CFAP91: variants seen among roughly 807,000 people sequenced by gnomAD.
The protein encoded by CFAP91 is cilia and flagella associated protein 91, also known as cilia- and flagella-associated protein 91.
In CFAP91, 85 loss-of-function variants were observed where a neutral mutation model predicts 95.9. The observed-to-expected ratio is 0.89, with a 90% CI of 0.74 to 1.06. CFAP91 has a LOEUF of 1.06. Ranked by LOEUF, CFAP91 falls within the 50% of genes least tolerant of loss-of-function variation. CFAP91 has a pLI of 0.00. For missense variants in CFAP91, 962 were observed against 943.4 expected, an observed-to-expected ratio of 1.02 and a Z score of -0.26; for synonymous variants, 335 against 327.5, an observed-to-expected ratio of 1.02 and a Z score of -0.25.
At chr3:119,752,607 G>A (rs951583381) in intron 17 of CFAP91, among the ~76,000 whole-genome samples, 3 of 152,016 alleles carry the variant, frequency 2.0e-5, no homozygotes, top group Admixed American at 1.3e-4. Flanking sequence ...TTAAGGTTGG[G>A]GTAGTCATTT....
At chr3:119,736,268 G>GTTTTTTTTCTTTTTTTTTTT (rs1553709194) in intron 10 of CFAP91, among the ~76,000 whole-genome samples, 1 of 85,326 alleles carries the variant, frequency 1.2e-5, no homozygotes, top group African/African-American at 4.9e-5. Flanking sequence ...TCTTTCTATT[G>GTTTTTTTTCTTTTTTTTTTT]TTTTTTTTTT....
chr3:119,744,181 C>G lies in CFAP91; in HGVS notation c.1887C>G (p.Asp629Glu). 6.2e-7 allele frequency: 1 copy of G among 1,611,774 alleles called. No individual in the cohort carries two copies. Among genetic ancestry groups the G allele is most frequent in the Non-Finnish European group, 8.5e-7 (1 of 1,178,530 alleles). Residue 629 changes from aspartate to glutamate, a missense_variant, in exon 14 of 18, where the codon GAC becomes GAG. Transcript: ENST00000273390. ...AAAAACAGCGCCTGCGGGAGGAGGA[C>G]GAGATATTTAAGGAGGCAAGTAGGG... ...QVEKQRLREE[D>E]EIFKEVVKVH... is the part of the protein sequence containing the mutation.
chr3:119,710,111 G>T, intron 5 of CFAP91: 3 of 501,430 alleles, frequency 6.0e-6, no homozygotes, highest in Admixed American at 3.7e-5. Flanking sequence ...AGGGTAAGTT[G>T]GTTTTTGTTT....
At chr3:119,741,099 G>A (rs1577232254) in intron 13 of CFAP91, among the ~76,000 whole-genome samples, 1 of 152,290 alleles carries the variant, frequency 6.6e-6, no homozygotes, top group East Asian at 1.9e-4. Flanking sequence ...TGATCCGCCT[G>A]CCTCAGCTTC....
At chr3:119,739,516 G>A in intron 12 of CFAP91, 190 bp downstream of exon 12, 2 of 549,494 alleles carry the variant, frequency 3.6e-6, no homozygotes, top group Non-Finnish European at 6.6e-6. Context: ...GTCCAGGTGG[G>A]TGGCACAGTG....
rs534900373 is a variant in CFAP91, at chr3:119,714,281, G to A, written c.501-1281G>A. On this transcript the variant is annotated intron_variant, in intron 5 of 17. Transcript: ENST00000273390. ...CTCGGAAGGCTGAGGCAGGAGAATG[G>A]CCTGAACCCAGGAGGCGGAGCTTGC... Among the ~76,000 whole-genome samples, 7 of 150,932 alleles carry A rather than the reference G, an allele frequency of 4.6e-5. No homozygotes were observed. In the East Asian group the frequency reaches 1.4e-3, roughly 30 times the overall value.
In CFAP91 at chr3:119,715,927, T is replaced by C. The variant is rs994688968; in HGVS notation, c.682+184T>C. On this transcript the variant is annotated intron_variant, in intron 6 of 17. Transcript: ENST00000273390. ...TGGTCAAATAAAGATACTATCTTTT[T>C]ATTGTGAGTAGTTTTATCGTACTCT... 3.1e-5 allele frequency: 19 copies of C among 612,908 alleles called. 1 individual carries two copies. The South Asian group carries it at 3.8e-4, about 12-fold the overall frequency. The allele number at this position is 612,908 out of a possible 1,614,324, so 38.0% of individuals were successfully genotyped here.
chr3:119,709,911 T>C lies in CFAP91; in HGVS notation c.500+16T>C. On this transcript the variant is annotated intron_variant, in intron 5 of 17. Transcript: ENST00000273390. ...CCGTATCCAAGTAAGTAACCATTAT[T>C]TGAAAACTCTTTTTCAGTTTATTTA... 6.3e-7 allele frequency: 1 copy of C among 1,578,046 alleles called. No homozygotes were observed.
At chr3:119,751,363 G>A (rs945379709) in intron 17 of CFAP91, among the ~76,000 whole-genome samples, 9 of 152,188 alleles carry the variant, frequency 5.9e-5, no homozygotes, top group Non-Finnish European at 1.2e-4. Context: ...TTTAGCATGT[G>A]TGTACCTCGT....
At chr3:119,708,703 A>G in intron 4 of CFAP91, 29 bp downstream of exon 4, 11 of 1,264,168 alleles carry the variant, frequency 8.7e-6, no homozygotes, top group Non-Finnish European at 1.2e-5. Context: ...TGAATATTTG[A>G]GCCCTAATAT....
At chr3:119,721,851 G>A (rs370618840) in intron 6 of CFAP91, among the ~76,000 whole-genome samples, 7 of 152,252 alleles carry the variant, frequency 4.6e-5, no homozygotes, top group South Asian at 4.2e-4. Context: ...TACATCAGTC[G>A]CTTTCCTATA....
In CFAP91 at chr3:119,744,199, A is replaced by C. The variant is rs1234195218; in HGVS notation, c.1902+3A>C. ...AGGAGGACGAGATATTTAAGGAGGC[A>C]AGTAGGGGCAGCTGGGTGTGTGGAA... On this transcript the variant is annotated splice_donor_region_variant and intron_variant, in intron 14 of 17. Coordinates refer to ENST00000273390, the MANE Select transcript of CFAP91 (RefSeq NM_033364.4). 6.2e-7 allele frequency: 1 copy of C among 1,606,128 alleles called. No homozygotes were observed. The highest frequency in any genetic ancestry group is 2.2e-5 in the East Asian group (1 of 44,754).
Position 119,766,074 on chromosome 3 carries a change from A to G in CFAP91, c.*1024A>G, listed in dbSNP as rs1025536770. 1 of 152,218 alleles carries G rather than the reference A, an allele frequency of 6.6e-6. No individual in the cohort carries two copies. The highest frequency in any genetic ancestry group is 1.5e-5 in the Non-Finnish European group (1 of 68,030). 9.4% of individuals were successfully genotyped at this position (152,218 alleles called of 1,614,324 possible). On this transcript the variant is annotated 3_prime_UTR_variant, in exon 18 of 18. Transcript: ENST00000273390. ...TAAAAAGATTTAAAATCCAGCAACA[A>G]AATTTACACATTCATTTGGATGCAG...
At chr3:119,732,209 A>C in intron 8 of CFAP91, 85 bp from the exon 9 acceptor site, 1 of 1,036,326 alleles carries the variant, frequency 9.6e-7, no homozygotes, top group South Asian at 1.9e-5. Context: ...TTCTCTGTGA[A>C]TAACACTAGC....
In CFAP91 at chr3:119,766,406, C is replaced by T. The variant is rs755401168; in HGVS notation, c.*1356C>T. On this transcript the variant is annotated 3_prime_UTR_variant, in exon 18 of 18. Coordinates refer to ENST00000273390, the MANE Select transcript of CFAP91 (RefSeq NM_033364.4). ...AGGATTGGGACACCTTTTTTTCCCC[C>T]TGAGGATCACTGACAAAAAACACTG... 4 of 151,780 alleles carry T rather than the reference C, an allele frequency of 2.6e-5. No individual in the cohort carries two copies. Among genetic ancestry groups the T allele is most frequent in the Non-Finnish European group, 5.9e-5 (4 of 67,920 alleles). 9.4% of individuals were successfully genotyped at this position (151,780 alleles called of 1,614,324 possible). A position where few individuals can be genotyped will look rare whatever the true frequency, so the allele number is the denominator to read the frequency against.
At chr3:119,704,152 T>G (rs1409064753) in intron 1 of CFAP91, among the ~76,000 whole-genome samples, 1 of 152,212 alleles carries the variant, frequency 6.6e-6, no homozygotes, top group Non-Finnish European at 1.5e-5. Flanking sequence ...ATAAATCAAG[T>G]TAGCTCCTGT....
At chr3:119,745,184 A>T (rs2054198049) in intron 14 of CFAP91, among the ~76,000 whole-genome samples, 1 of 152,224 alleles carries the variant, frequency 6.6e-6, no homozygotes, top group East Asian at 1.9e-4. Context: ...AATATCATCC[A>T]TATGTTAATT....
Position 119,738,332 on chromosome 3 carries a change from C to CTTTTTTTTT in CFAP91, c.1461+876_1461+884dup, listed in dbSNP as rs556125660. 4.4e-3 allele frequency among the ~76,000 whole-genome samples: 101 copies of CTTTTTTTTT among 23,072 alleles called. 25 individuals are homozygous for CTTTTTTTTT. The highest frequency in any genetic ancestry group is 0.014 in the East Asian group (7 of 498). 15.1% of individuals were successfully genotyped at this position (23,072 alleles called of 152,430 possible). ...TGCAGGGCTTTGGTTGACATATTGT[C>CTTTTTTTTT]TTTTTTTTTTTTTTTTTTTTTTTTT... On this transcript the variant is annotated intron_variant, in intron 11 of 17. Coordinates refer to ENST00000273390, the MANE Select transcript of CFAP91 (RefSeq NM_033364.4).
intron 13 of CFAP91, among the ~76,000 whole-genome samples, chr3:119,742,061 A>T (rs542965579): frequency 6.6e-6 from 1 of 152,232 alleles, no homozygotes; most frequent in African/African-American, 2.4e-5. Flanking sequence ...GGATGAAAAA[A>T]TGCCCTCCTT....
Sources: gnomAD v4.1 joint callset for allele counts (sites outside exome capture counted in the v4.1 genomes callset) on GRCh38, gnomAD v4.1.1 for gene constraint, MANE v1.5 for transcripts, NCBI Gene and HGNC (gene_info 2026-07-23, HGNC 2026-07-21) for gene names.